Variants in GRM5 observed in about 807,000 individuals in gnomAD.
The protein encoded by GRM5 is metabotropic glutamate receptor 5.
A neutral mutation model predicts 83.1 loss-of-function variants in GRM5; 19 were observed. The ratio of observed to expected loss-of-function variants is 0.23; its 90% CI spans 0.16 to 0.34. The LOEUF is 0.34. Ranked by LOEUF, GRM5 falls within the 10% of genes least tolerant of loss-of-function variation. The probability of loss-of-function intolerance (pLI) is 1.00; values close to 1 mark genes in which losing one functional copy is unlikely to be tolerated. For synonymous variants in GRM5, 675 were observed against 633.6 expected (o/e 1.07, Z -0.98); for missense variants, 1,160 against 1,588.3 (o/e 0.73, Z 4.58).
Position 88,508,870 on chromosome 11 carries a change from T to C in GRM5, c.3361A>G (p.Ile1121Val), listed in dbSNP as rs1372848228. Residue 1121 changes from isoleucine to valine, a missense_variant, in exon 10 of 10, where the codon ATC becomes GTC. Transcript: ENST00000305447. This position sits in a 1 kb window ranked among gnomAD's most constrained non-coding sequence, Gnocchi z 4.2. ...GGCTGCGCGCCTCCCGTGACTTCGA[T>C]GGCCGGCAGAGGCTGGATTTCGGCA... ...TFAEIQPLPA[I>V]EVTGGAQPAA... 2 of 1,585,768 alleles carry C rather than the reference T, an allele frequency of 1.3e-6. No homozygotes were observed. The highest frequency in any genetic ancestry group is 2.3e-5 in the East Asian group (1 of 42,700).
intron 3 of GRM5, among the ~76,000 whole-genome samples, chr11:88,780,496 A>AT (rs1461409110): frequency 1.3e-5 from 2 of 152,122 alleles, no homozygotes; most frequent in East Asian, 3.9e-4. Context: ...GGGTGAGTCA[A>AT]TCTTCTCAAC....
rs1026226677 is a variant in GRM5 at position 89,064,546 on chromosome 11, A to G, written c.-201+1230T>C. The stretch of plus-strand genomic sequence containing the variant: ...CTGAAGCTTCCTTTATCCATATTTT[A>G]TGAGTGTTCTTACTTCTTAGTATGC... On this transcript the variant is annotated intron_variant, in intron 1 of 9. Transcript: ENST00000305447. Among the ~76,000 whole-genome samples, 6 of 152,240 alleles carry G rather than the reference A, an allele frequency of 3.9e-5. No individual in the cohort carries two copies. The South Asian group carries it at 8.3e-4, about 21-fold the overall frequency.
At chr11:88,512,958 C>T (rs754484537) in intron 9 of GRM5, among the ~76,000 whole-genome samples, 40 of 152,202 alleles carry the variant, frequency 2.6e-4, no homozygotes, top group Non-Finnish European at 4.9e-4. Context: ...GTTCCATGAT[C>T]CGTGGCCTCT....
intron 2 of GRM5, among the ~76,000 whole-genome samples, chr11:88,899,743 A>G (rs1945287562): frequency 6.6e-6 from 1 of 152,060 alleles, no homozygotes; most frequent in South Asian, 2.1e-4. Context: ...GTGTAAAACA[A>G]TCTCAGCTTT....
intron 7 of GRM5, among the ~76,000 whole-genome samples, chr11:88,574,023 AT>A (rs1943056503): frequency 6.6e-6 from 1 of 152,172 alleles, no homozygotes; most frequent in African/African-American, 2.4e-5. Context: ...GAGGAAACTC[AT>A]TTCTCTCTGT....
chr11:88,589,118 C>T (rs973949886), intron 7 of GRM5, among the ~76,000 whole-genome samples: 1 of 151,976 alleles, frequency 6.6e-6, no homozygotes, highest in Admixed American at 6.6e-5. Context: ...TCACAATAAT[C>T]CAGTTTAAAA....
chr11:88,792,178 A>C (rs1308028470), intron 3 of GRM5, among the ~76,000 whole-genome samples: 1 of 152,098 alleles, frequency 6.6e-6, no homozygotes, highest in Non-Finnish European at 1.5e-5. Context: ...TGGGCTTTAC[A>C]CTAAAATCAA....
At chr11:88,628,099 GC>G (rs57336667) in intron 4 of GRM5, among the ~76,000 whole-genome samples, 5,279 of 152,120 alleles carry the variant, frequency 0.035, 289 homozygotes, top group African/African-American at 0.12. Flanking sequence ...CTGTCTCACA[GC>G]CCAACTAAAC....
At chr11:88,611,822 A>T (rs1439185386) in intron 4 of GRM5, among the ~76,000 whole-genome samples, 4 of 151,952 alleles carry the variant, frequency 2.6e-5, no homozygotes, top group Non-Finnish European at 5.9e-5. Flanking sequence ...TTAGGTTGTT[A>T]ATTTGAGATG....
At chr11:88,963,117 A>C (rs530724107) in intron 2 of GRM5, among the ~76,000 whole-genome samples, 53 of 152,296 alleles carry the variant, frequency 3.5e-4, no homozygotes, top group African/African-American at 1.1e-3. Flanking sequence ...AACAAACAAA[A>C]AAAACTTACC....
In GRM5 at chr11:88,872,929, A is replaced by C. The variant is rs550814208; in HGVS notation, c.662-22774T>G. On this transcript the variant is annotated intron_variant, in intron 2 of 9. Transcript: ENST00000305447. ...ATAAAACAGAAAGGCTGAATGAATT[A>C]AAAAAAAAAAGACCCAACTATATGC... Among the ~76,000 whole-genome samples, 287 of 95,042 alleles carry C rather than the reference A, an allele frequency of 3.0e-3. 1 individual carries two copies. The highest frequency in any genetic ancestry group is 4.3e-3 in the South Asian group (10 of 2,302). The allele number at this position is 95,042 out of a possible 152,430, so 62.4% of individuals were successfully genotyped here.
chr11:88,763,248 A>G (rs549950926), intron 3 of GRM5, among the ~76,000 whole-genome samples: 81 of 143,814 alleles, frequency 5.6e-4, no homozygotes, highest in African/African-American at 2.1e-3. Flanking sequence ...TTAGCACTAA[A>G]TCTTTTATAC....
chr11:88,976,419 C>A (rs942796181), intron 2 of GRM5, among the ~76,000 whole-genome samples: 1 of 151,848 alleles, frequency 6.6e-6, no homozygotes, highest in Non-Finnish European at 1.5e-5. Context: ...TCAAATAGAA[C>A]TATGGTAGCC....
chr11:88,739,708 C>A (rs1941990467), intron 3 of GRM5, among the ~76,000 whole-genome samples: 1 of 152,008 alleles, frequency 6.6e-6, no homozygotes, highest in Non-Finnish European at 1.5e-5. Context: ...CTCTTTTCTG[C>A]CACCTTGTGA....
intron 2 of GRM5, among the ~76,000 whole-genome samples, chr11:89,022,381 G>A (rs1441253774): frequency 6.6e-6 from 1 of 151,798 alleles, no homozygotes; most frequent in Non-Finnish European, 1.5e-5. Context: ...GGTGGCTCAC[G>A]TCTGTAATCC....
intron 3 of GRM5, among the ~76,000 whole-genome samples, chr11:88,770,435 G>A (rs966037539): frequency 1.3e-5 from 2 of 152,062 alleles, no homozygotes; most frequent in East Asian, 1.9e-4. Context: ...TATGTCAGAG[G>A]AAAGAGAGGT....
chr11:88,989,057 C>A (rs984583591), intron 2 of GRM5, among the ~76,000 whole-genome samples: 4 of 151,562 alleles, frequency 2.6e-5, no homozygotes, highest in Admixed American at 1.3e-4. Context: ...TTAAAAGACA[C>A]AGACTGACAA....
At chr11:89,038,482 G>A (rs1941448163) in intron 2 of GRM5, among the ~76,000 whole-genome samples, 1 of 152,192 alleles carries the variant, frequency 6.6e-6, no homozygotes, top group African/African-American at 2.4e-5. Context: ...GAAGGACAGA[G>A]TGTGGAGCCT....
At chr11:88,520,355 GA>G (rs1443676760) in intron 9 of GRM5, among the ~76,000 whole-genome samples, 2 of 152,090 alleles carry the variant, frequency 1.3e-5, no homozygotes, top group Non-Finnish European at 2.9e-5. Context: ...GTCTGTACTG[GA>G]AAGGCAGAAT....
Sources: allele counts gnomAD v4.1 joint callset (sites outside exome capture counted in the v4.1 genomes callset), GRCh38; gene constraint gnomAD v4.1.1; non-coding constraint Gnocchi (gnomAD v3.1); transcripts MANE v1.5; gene names NCBI Gene and HGNC (gene_info 2026-07-23, HGNC 2026-07-21).